The following DCDC2 variants were observed in gnomAD, a reference collection of about 807,000 sequenced individuals.
DCDC2 encodes doublecortin domain containing 2.
Under a neutral mutation model 50.2 loss-of-function variants are expected in DCDC2, and 40 were observed. That is an observed-to-expected ratio of 0.80 (90% CI 0.62 to 1.04). The LOEUF (loss-of-function observed/expected upper bound fraction) is 1.04. DCDC2 is among the 50% of genes least tolerant of loss of function. The probability of loss-of-function intolerance (pLI) is 0.00; values close to 1 mark genes in which losing one functional copy is unlikely to be tolerated. For synonymous variants in DCDC2, 234 were observed against 210.6 expected, an observed-to-expected ratio of 1.11 and a Z score of -0.96; for missense variants, 570 against 581.9, an observed-to-expected ratio of 0.98 and a Z score of 0.21.
At chr6:24,284,140 G>T (rs777371432) in intron 6 of DCDC2, among the ~76,000 whole-genome samples, 2 of 152,174 alleles carry the variant, frequency 1.3e-5, no homozygotes, top group Non-Finnish European at 2.9e-5. Flanking sequence ...TTGGATCAGC[G>T]AATCAGTCAA....
intron 7 of DCDC2, among the ~76,000 whole-genome samples, chr6:24,209,933 T>G (rs1386537193): frequency 1.3e-5 from 2 of 152,154 alleles, no homozygotes; most frequent in African/African-American, 4.8e-5. Flanking sequence ...GAGATTATTC[T>G]TGTCAAAATT....
chr6:24,192,794 C>CA (rs1222273079), intron 8 of DCDC2, among the ~76,000 whole-genome samples: 3 of 151,426 alleles, frequency 2.0e-5, no homozygotes, highest in Non-Finnish European at 4.4e-5. Context: ...GTCCTATATT[C>CA]AAATACCTGG....
In DCDC2 at chr6:24,351,282, G is replaced by A. The variant is rs780539282; in HGVS notation, c.348+2287C>T. Among the ~76,000 whole-genome samples the A allele has an allele frequency of 1.2e-4, 18 of 152,274 alleles. No individual in the cohort carries two copies. The South Asian group carries it at 1.2e-3, about 11-fold the overall frequency. The stretch of plus-strand genomic sequence containing the variant: ...GAACTTTGGGGAGGAAGGTATCTCC[G>A]GACTGGACATGTGAAGTGAGGGAAG... On this transcript the variant is annotated intron_variant, in intron 2 of 9. Coordinates refer to ENST00000378454, the MANE Select transcript of DCDC2 (RefSeq NM_016356.5).
chr6:24,269,094 T>C (rs1342911744), intron 7 of DCDC2, among the ~76,000 whole-genome samples: 1 of 152,126 alleles, frequency 6.6e-6, no homozygotes, highest in Non-Finnish European at 1.5e-5. Flanking sequence ...ACTAGGGCAA[T>C]AGAGAAGAAT....
chr6:24,190,735 C>A (rs1761295951), intron 8 of DCDC2, among the ~76,000 whole-genome samples: 1 of 152,188 alleles, frequency 6.6e-6, no homozygotes, highest in East Asian at 1.9e-4. Flanking sequence ...GAACTCTGAT[C>A]ATTCTCATTC....
At chr6:24,299,773 G>A (rs1326811844) in intron 4 of DCDC2, among the ~76,000 whole-genome samples, 1 of 151,920 alleles carries the variant, frequency 6.6e-6, no homozygotes, top group Non-Finnish European at 1.5e-5. Context: ...TTTTTAATTA[G>A]ATGGGCATGG....
At chr6:24,258,696 T>G (rs1165978124) in intron 7 of DCDC2, among the ~76,000 whole-genome samples, 1 of 152,200 alleles carries the variant, frequency 6.6e-6, no homozygotes, top group East Asian at 1.9e-4. Flanking sequence ...TAGAGCCAAG[T>G]AGCCCTTTGC....
upstream of DCDC2, among the ~76,000 whole-genome samples, chr6:24,362,463 G>A (rs1416137873): frequency 6.7e-5 from 8 of 119,748 alleles, no homozygotes; most frequent in South Asian, 1.8e-3. Context: ...TTATTTAATT[G>A]TATATTTATA....
chr6:24,318,684 G>A (rs12207932), intron 2 of DCDC2, among the ~76,000 whole-genome samples: 27,691 of 151,820 alleles, frequency 0.18, 2,654 homozygotes, highest in African/African-American at 0.24. Flanking sequence ...GAGTAGTTAC[G>A]CTTAAGATAA....
intron 5 of DCDC2, among the ~76,000 whole-genome samples, chr6:24,289,263 A>C (rs1192246399): frequency 6.6e-6 from 1 of 152,246 alleles, no homozygotes; most frequent in Non-Finnish European, 1.5e-5. Flanking sequence ...ACTGAGTTAA[A>C]AACAAATTTC....
At chr6:24,381,163 C>A in the DCDC2 span, among the ~76,000 whole-genome samples, 2 of 149,924 alleles carry the variant, frequency 1.3e-5, no homozygotes, top group Non-Finnish European at 2.9e-5. Flanking sequence ...ATATGATATA[C>A]ATATACATTA....
chr6:24,299,654 C>T (rs1377850177), intron 4 of DCDC2, among the ~76,000 whole-genome samples: 1 of 152,192 alleles, frequency 6.6e-6, no homozygotes, highest in Admixed American at 6.5e-5. Context: ...TGGCTCACAC[C>T]TGTAATCCTA....
At chr6:24,201,994 G>A (rs1761599679) in intron 8 of DCDC2, among the ~76,000 whole-genome samples, 1 of 151,502 alleles carries the variant, frequency 6.6e-6, no homozygotes. Flanking sequence ...GGCAGTAATA[G>A]CCTGCCAGCC....
intron 4 of DCDC2, among the ~76,000 whole-genome samples, chr6:24,296,967 C>T (rs926477352): frequency 1.3e-5 from 2 of 152,142 alleles, no homozygotes; most frequent in South Asian, 2.1e-4. Flanking sequence ...ACTGGGTATA[C>T]ACCCAAAAGA....
intron 6 of DCDC2, among the ~76,000 whole-genome samples, chr6:24,287,556 T>C (rs1019154102): frequency 6.6e-6 from 1 of 152,138 alleles, no homozygotes; most frequent in African/African-American, 2.4e-5. Flanking sequence ...GTTAAATAAA[T>C]CACTACTGTA....
chr6:24,323,383 G>A (rs2113853154), intron 2 of DCDC2, among the ~76,000 whole-genome samples: 1 of 152,086 alleles, frequency 6.6e-6, no homozygotes, highest in South Asian at 2.1e-4. Context: ...CCTGGACCAG[G>A]AAAAAAATAT....
At chr6:24,195,655 C>T (rs1761416990) in intron 8 of DCDC2, among the ~76,000 whole-genome samples, 2 of 152,154 alleles carry the variant, frequency 1.3e-5, no homozygotes, top group Non-Finnish European at 1.5e-5. Context: ...GCCCTGGCCA[C>T]CACCTTCTAG....
At chr6:24,349,686 G>A (rs1326213748) in intron 2 of DCDC2, among the ~76,000 whole-genome samples, 1 of 152,160 alleles carries the variant, frequency 6.6e-6, no homozygotes, top group Non-Finnish European at 1.5e-5. Context: ...TAAATACAAG[G>A]AGATGAGTTA....
intron 2 of DCDC2, among the ~76,000 whole-genome samples, chr6:24,323,496 T>C (rs1317900568): frequency 6.6e-6 from 1 of 152,218 alleles, no homozygotes; most frequent in Admixed American, 6.5e-5. Flanking sequence ...ATGTAGGACA[T>C]TAACAAAGGA....
Sources: allele counts gnomAD v4.1 joint callset (sites outside exome capture counted in the v4.1 genomes callset), GRCh38; gene constraint gnomAD v4.1.1; transcripts MANE v1.5; gene names NCBI Gene and HGNC (gene_info 2026-07-23, HGNC 2026-07-21).